KLHL6: variants seen among roughly 807,000 people sequenced by gnomAD.
KLHL6 encodes kelch-like protein 6.
Under a neutral mutation model 58.6 loss-of-function variants are expected in KLHL6, and 41 were observed. The ratio of observed to expected loss-of-function variants is 0.70; its 90% CI spans 0.55 to 0.91. The LOEUF (loss-of-function observed/expected upper bound fraction) is 0.91. Ranked by LOEUF, KLHL6 falls within the 40% of genes least tolerant of loss-of-function variation. The pLI, the probability that KLHL6 is intolerant of heterozygous loss-of-function variation, is 0.00. For missense variants in KLHL6, 714 were observed against 805.6 expected, an observed-to-expected ratio of 0.89 and a Z score of 1.38; for synonymous variants, 338 against 322.7, an observed-to-expected ratio of 1.05 and a Z score of -0.51.
Position 183,555,668 on chromosome 3 carries a change from C to A in KLHL6, c.-15G>T, listed in dbSNP as rs374328090. 2.6e-6 allele frequency: 4 copies of A among 1,563,932 alleles called. No homozygotes were observed. In the African/African-American group the frequency reaches 4.1e-5, roughly 16 times the overall value. ...GCCATCAACATCGAGACTGAAGGAG[C>A]GCCCAAGTGTCAGGCAGGCCCCATT... On this transcript the variant is annotated 5_prime_UTR_variant, in exon 1 of 7. Transcript: ENST00000341319.
Position 183,492,416 on chromosome 3 carries a change from C to A in KLHL6, c.1564+78G>T, listed in dbSNP as rs1717588023. ...TGAGTTGCCAGCGCTGGAGACACCG[C>A]GACACACCGTTTACGTGCTGCAGCC... is the stretch of plus-strand genomic sequence containing the variant. On this transcript the variant is annotated intron_variant, in intron 6 of 6. Transcript: ENST00000341319. The surrounding 1 kb of genome is among the most constrained non-coding windows in gnomAD (Gnocchi z 5.9). The A allele has an allele frequency of 4.0e-6, 6 of 1,512,162 alleles. No individual in the cohort carries two copies. The highest frequency in any genetic ancestry group is 3.6e-5 in the South Asian group (3 of 83,882). 93.7% of individuals were successfully genotyped at this position (1,512,162 alleles called of 1,614,324 possible).
intron 1 of KLHL6, among the ~76,000 whole-genome samples, chr3:183,539,869 C>G (rs1712495951): frequency 6.6e-6 from 1 of 152,134 alleles, no homozygotes; most frequent in African/African-American, 2.4e-5. Context: ...TTGCTGATGC[C>G]TCAGCTTGCC....
rs1386697733 is a variant in KLHL6 at position 183,492,597 on chromosome 3, C to T, written c.1461G>A (p.Gln487=). 6.2e-7 allele frequency: 1 copy of T among 1,614,240 alleles called. No homozygotes were observed. Among genetic ancestry groups the T allele is most frequent in the Admixed American group, 1.7e-5 (1 of 60,032 alleles). Residue 487 remains glutamine, a synonymous_variant, in exon 6 of 7, where the codon CAG becomes CAA. Coordinates refer to ENST00000341319, the MANE Select transcript of KLHL6 (RefSeq NM_130446.4). This position sits in a 1 kb window ranked among gnomAD's most constrained non-coding sequence, Gnocchi z 5.9. ...ACTTGTTGGTGGAAGGGTCATAACA[C>T]TGAGTCTTGTCTGTGGCCAGTTTCC... is the stretch of plus-strand genomic sequence containing the variant. ...PNGKLATDKT[Q]CYDPSTNKWS...
chr3:183,492,698 G>A lies in KLHL6; in HGVS notation c.1360C>T (p.Leu454Phe), dbSNP rs759152180. ...FHNCWSEAAP[L>F]LVHVSSFAAT... ...GCAAAGGAACTGACATGGACAAGGA[G>A]GGGTGCGGCCTGTAGAGGCACAGGG... Residue 454 changes from leucine to phenylalanine, a missense_variant, in exon 6 of 7, where the codon CTC (leucine) becomes TTC (phenylalanine). Physicochemically the swap from Leu to Phe is conservative, Grantham distance 22. Coordinates refer to ENST00000341319, the MANE Select transcript of KLHL6 (RefSeq NM_130446.4). This position sits in a 1 kb window ranked among gnomAD's most constrained non-coding sequence, Gnocchi z 5.9. 9.9e-6 allele frequency: 16 copies of A among 1,613,186 alleles called. No homozygotes were observed. Among genetic ancestry groups the A allele is most frequent in the Admixed American group, 3.3e-5 (2 of 60,000 alleles).
intron 3 of KLHL6, among the ~76,000 whole-genome samples, chr3:183,506,273 G>T (rs1717998656): frequency 6.6e-6 from 1 of 152,198 alleles, no homozygotes; most frequent in African/African-American, 2.4e-5. Context: ...GAATTGTTAA[G>T]GAGAACCAGG....
chr3:183,534,086 T>TA (rs1712254427), intron 1 of KLHL6, among the ~76,000 whole-genome samples: 1 of 62,530 alleles, frequency 1.6e-5, no homozygotes, highest in Non-Finnish European at 5.3e-5. Context: ...TTAAAAGTAC[T>TA]TTACTTTTAA....
At chr3:183,526,474 AAT>A (rs1304114501) in intron 2 of KLHL6, among the ~76,000 whole-genome samples, 3 of 152,242 alleles carry the variant, frequency 2.0e-5, no homozygotes, top group Non-Finnish European at 4.4e-5. Context: ...CAGTGGGTTA[AAT>A]AGATATTTGG....
chr3:183,508,584 T>C (rs1718090381), intron 2 of KLHL6, 76 bp from the exon 3 acceptor site: 6 of 1,352,654 alleles, frequency 4.4e-6, no homozygotes, highest in South Asian at 2.7e-5. Context: ...GAGTTATGTG[T>C]ATTAGCCAAA....
chr3:183,526,695 T>A (rs901927771), intron 2 of KLHL6, among the ~76,000 whole-genome samples: 1 of 152,146 alleles, frequency 6.6e-6, no homozygotes, highest in African/African-American at 2.4e-5. Context: ...CTCCCACTGT[T>A]CTCATTAAAA....
chr3:183,534,236 C>T (rs952458971), intron 1 of KLHL6, among the ~76,000 whole-genome samples: 1 of 142,436 alleles, frequency 7.0e-6, no homozygotes, highest in African/African-American at 2.7e-5. Context: ...AATCTGCTCT[C>T]AGAGACAGCC....
At chr3:183,500,675 C>T (rs1489873247) in intron 3 of KLHL6, among the ~76,000 whole-genome samples, 1 of 152,178 alleles carries the variant, frequency 6.6e-6, no homozygotes, top group African/African-American at 2.4e-5. Context: ...GTGGTAGATG[C>T]CATGTTGATA....
chr3:183,502,367 A>T (rs1717890671), intron 3 of KLHL6, among the ~76,000 whole-genome samples: 1 of 151,968 alleles, frequency 6.6e-6, no homozygotes, highest in Non-Finnish European at 1.5e-5. Context: ...CTCAGTCTAA[A>T]TCATTGTGGT....
chr3:183,516,164 C>T (rs1396517448), intron 2 of KLHL6, among the ~76,000 whole-genome samples: 1 of 152,130 alleles, frequency 6.6e-6, no homozygotes, highest in East Asian at 1.9e-4. Flanking sequence ...TGGGGGATCT[C>T]CAAGTTGCCT....
At chr3:183,553,445 C>T (rs566155447) in intron 1 of KLHL6, among the ~76,000 whole-genome samples, 24 of 152,346 alleles carry the variant, frequency 1.6e-4, no homozygotes, top group African/African-American at 5.8e-4. Flanking sequence ...AACAAAACTG[C>T]TTCCAGGTAT....
chr3:183,535,880 A>G (rs1481252603), intron 1 of KLHL6, among the ~76,000 whole-genome samples: 1 of 152,136 alleles, frequency 6.6e-6, no homozygotes, highest in Non-Finnish European at 1.5e-5. Context: ...GGTTCATGCC[A>G]TTCTCCTGCC....
intron 1 of KLHL6, among the ~76,000 whole-genome samples, chr3:183,540,547 C>T (rs1163291862): frequency 6.6e-6 from 1 of 152,112 alleles, no homozygotes; most frequent in Non-Finnish European, 1.5e-5. Context: ...AATTGGAACT[C>T]CAGGCCCGTT....
chr3:183,492,482 G>C lies in KLHL6; in HGVS notation c.1564+12C>G, dbSNP rs1224915443. ...TCTAAGCCATTCAGACCAATAAGAA[G>C]CCATTACTCACCAACGACATAGATG... On this transcript the variant is annotated intron_variant, in intron 6 of 6. Coordinates refer to ENST00000341319, the MANE Select transcript of KLHL6 (RefSeq NM_130446.4). The surrounding 1 kb of genome is among the most constrained non-coding windows in gnomAD (Gnocchi z 5.9). 3 of 1,613,508 alleles carry C rather than the reference G, an allele frequency of 1.9e-6. No homozygotes were observed. In the African/African-American group the frequency reaches 4.0e-5, roughly 22 times the overall value.
In KLHL6 at chr3:183,508,015, C is replaced by T. The variant is rs534998121; in HGVS notation, c.909+44G>A. 14 of 1,559,994 alleles carry T rather than the reference C, an allele frequency of 9.0e-6. No homozygotes were observed. In the South Asian group the frequency reaches 1.2e-4, roughly 13 times the overall value. ...ATCTCTGTGAGCCCCTAGCTAACTCCTTACTTCGCTGGTTAAATATAGCAC... is the reference window on the plus strand; with the variant it reads ...ATCTCTGTGAGCCCCTAGCTAACTCTTTACTTCGCTGGTTAAATATAGCAC... On this transcript the variant is annotated intron_variant, in intron 3 of 6. Transcript: ENST00000341319.
intron 1 of KLHL6, among the ~76,000 whole-genome samples, chr3:183,544,311 C>A (rs1417570180): frequency 1.3e-5 from 2 of 151,368 alleles, no homozygotes; most frequent in Admixed American, 6.6e-5. Context: ...CTAAGTGATA[C>A]TTTTTCACAG....
Sources: gnomAD v4.1 joint callset for allele counts (sites outside exome capture counted in the v4.1 genomes callset) on GRCh38, gnomAD v4.1.1 for gene constraint, Gnocchi (gnomAD v3.1) non-coding constraint, MANE v1.5 for transcripts, NCBI Gene and HGNC (gene_info 2026-07-23, HGNC 2026-07-21) for gene names.